The following USP40 variants were observed in gnomAD, a reference collection of about 807,000 sequenced individuals.
USP40 encodes the protein ubiquitin carboxyl-terminal hydrolase 40.
In USP40, 143 loss-of-function variants were observed where a neutral mutation model predicts 166.2. That is an observed-to-expected ratio of 0.86 (90% CI 0.75 to 0.99). USP40 has a LOEUF of 0.99. USP40 is among the 50% of genes least tolerant of loss of function. USP40 has a pLI of 0.00. For synonymous variants in USP40, 498 were observed against 524.0 expected, an observed-to-expected ratio of 0.95 and a Z score of 0.68; for missense variants, 1,444 against 1,479.7, an observed-to-expected ratio of 0.98 and a Z score of 0.40.
At chr2:233,509,266 T>C (rs980231384) in intron 21 of USP40, among the ~76,000 whole-genome samples, 3 of 152,200 alleles carry the variant, frequency 2.0e-5, no homozygotes, top group African/African-American at 7.2e-5. Context: ...TAAACCACAC[T>C]GATTTTATTT....
intron 15 of USP40, among the ~76,000 whole-genome samples, chr2:233,524,138 C>CT (rs1358300418): frequency 2.6e-5 from 4 of 151,360 alleles, no homozygotes; most frequent in African/African-American, 4.9e-5. Context: ...ATTACAATGA[C>CT]TTTTTTTTTG....
Position 233,559,857 on chromosome 2 carries a change from G to A in USP40, c.335C>T (p.Ala112Val). The change falls in exon 4 of 32, where the codon GCA (alanine) becomes GTA (valine). Residue 112 changes from alanine to valine, a missense_variant. By Grantham distance (64) the Ala-to-Val change is moderately conservative (BLOSUM62 0). Coordinates refer to ENST00000678225, the MANE Select transcript of USP40 (RefSeq NM_001365479.2). ...GCTGTCAGTGAGGTCTGCTGTGGAT[G>A]CAGCTTCCTGGTCTAAGAGCAGAAG... Reference protein sequence around the residue: ...AQLLLLDQEAASTADLTDSFG... With the variant: ...AQLLLLDQEAVSTADLTDSFG... 6.2e-7 allele frequency: 1 copy of A among 1,610,638 alleles called. No individual in the cohort carries two copies. The highest frequency in any genetic ancestry group is 8.5e-7 in the Non-Finnish European group (1 of 1,178,552).
intron 5 of USP40, 184 bp downstream of exon 5, chr2:233,556,671 C>A (rs1385971022): frequency 9.1e-6 from 4 of 437,776 alleles, no homozygotes; most frequent in African/African-American, 8.2e-5. Context: ...TTGCTTCTTT[C>A]AATCTACATG....
chr2:233,540,123 C>CA (rs74742520), intron 10 of USP40, among the ~76,000 whole-genome samples: 1,608 of 49,396 alleles, frequency 0.033, 26 homozygotes, highest in African/African-American at 0.079. Flanking sequence ...GACCTCAACT[C>CA]AAAAAAAAAA....
intron 8 of USP40, chr2:233,546,493 A>G (rs1026623499): frequency 6.6e-6 from 1 of 152,238 alleles, no homozygotes; most frequent in African/African-American, 2.4e-5. Flanking sequence ...TGTAGCAGGC[A>G]TCAAGGAATG....
chr2:233,493,413 T>C lies in USP40; in HGVS notation c.2917+12A>G, dbSNP rs753780819. 6 of 1,613,864 alleles carry C rather than the reference T, an allele frequency of 3.7e-6. No homozygotes were observed. The African/African-American group carries it at 6.7e-5, about 18-fold the overall frequency. On this transcript the variant is annotated intron_variant, in intron 25 of 31. Coordinates refer to ENST00000678225, the MANE Select transcript of USP40 (RefSeq NM_001365479.2). This position sits in a 1 kb window ranked among gnomAD's most constrained non-coding sequence, Gnocchi z 4.7. ...TGATGCACTGGCTGCTGAAATCCCA[T>C]TCTGTTCTCACCTTGGCTGGAAGTG...
chr2:233,562,809 GA>G lies in USP40; in HGVS notation c.200-7del. On this transcript the variant is annotated splice_region_variant and splice_polypyrimidine_tract_variant and intron_variant, in intron 2 of 31. Coordinates refer to ENST00000678225, the MANE Select transcript of USP40 (RefSeq NM_001365479.2). Reference sequence around the variant, plus strand: ...GCCAAGAGAAAATAGAGCTTCTAAAGAAAAAGGTAGAATCAGAGATGCAAAT... The same window carrying G: ...GCCAAGAGAAAATAGAGCTTCTAAAGAAAAGGTAGAATCAGAGATGCAAAT... 3 of 1,518,406 alleles carry G rather than the reference GA, an allele frequency of 2.0e-6. No homozygotes were observed. The highest frequency in any genetic ancestry group is 2.2e-5 in the Admixed American group (1 of 44,936). 94.1% of individuals were successfully genotyped at this position (1,518,406 alleles called of 1,614,324 possible). A position where few individuals can be genotyped will look rare whatever the true frequency, so the allele number is the denominator to read the frequency against.
At chr2:233,557,235 T>C (rs1046696646) in intron 4 of USP40, among the ~76,000 whole-genome samples, 1 of 152,246 alleles carries the variant, frequency 6.6e-6, no homozygotes, top group African/African-American at 2.4e-5. Context: ...GGGTTCAGTG[T>C]GTACATGTAA....
chr2:233,478,382 G>C (rs776194181), intron 31 of USP40, among the ~76,000 whole-genome samples: 1 of 152,222 alleles, frequency 6.6e-6, no homozygotes, highest in Non-Finnish European at 1.5e-5. Context: ...ATGTGGCACT[G>C]TCTCGGAGTA....
At chr2:233,512,266 A>G in intron 19 of USP40, 1 of 206,382 alleles carries the variant, frequency 4.8e-6, no homozygotes, top group Non-Finnish European at 9.6e-6. Context: ...TGGTATCGCA[A>G]TAAAATTCAC....
At chr2:233,554,284 A>G in intron 6 of USP40, 96 bp downstream of exon 6, 2 of 1,274,876 alleles carry the variant, frequency 1.6e-6, no homozygotes, top group Non-Finnish European at 2.1e-6. Context: ...CTTAGTGTCA[A>G]CAGCTTCAAG....
At chr2:233,495,914 G>A (rs1195083662) in intron 24 of USP40, among the ~76,000 whole-genome samples, 1 of 152,186 alleles carries the variant, frequency 6.6e-6, no homozygotes, top group Non-Finnish European at 1.5e-5. Context: ...GAGGAGCTCC[G>A]CAAGATACAG....
chr2:233,564,110 C>T (rs2071919243), intron 2 of USP40, among the ~76,000 whole-genome samples: 1 of 152,122 alleles, frequency 6.6e-6, no homozygotes, highest in Non-Finnish European at 1.5e-5. Flanking sequence ...CTAAGAGGTA[C>T]CACTTAAATC....
At chr2:233,542,003 C>T (rs1243403646) in intron 9 of USP40, among the ~76,000 whole-genome samples, 1 of 151,956 alleles carries the variant, frequency 6.6e-6, no homozygotes, top group Non-Finnish European at 1.5e-5. Context: ...CAGTATCTGG[C>T]CTACTTATAC....
chr2:233,477,487 C>T lies in USP40; in HGVS notation c.3616G>A (p.Glu1206Lys), dbSNP rs765883438. The change falls in exon 32 of 32, where the codon GAG becomes AAG. Residue 1206 changes from glutamate (E) to lysine (K), a missense_variant. Glu to Lys is a moderately conservative substitution (Grantham distance 56). Transcript: ENST00000678225. ...CTGGAGAGGATGTAGCTGCTCTGCTCATGGAGGGCTTCTTGGCTGCAGAGA... is the reference window on the plus strand; with the variant it reads ...CTGGAGAGGATGTAGCTGCTCTGCTTATGGAGGGCTTCTTGGCTGCAGAGA... The part of the protein sequence containing the change: ...GRRKSQEALH[E>K]QSSYILSSAE... The T allele has an allele frequency of 5.6e-6, 9 of 1,613,534 alleles. No individual in the cohort carries two copies. Among genetic ancestry groups the T allele is most frequent in the Middle Eastern group, 1.7e-4 (1 of 6,060 alleles).
chr2:233,499,824 C>CA, intron 22 of USP40, 55 bp downstream of exon 22: 1 of 1,546,952 alleles, frequency 6.5e-7, no homozygotes, highest in Non-Finnish European at 8.7e-7. Context: ...AAAAAAAAGT[C>CA]AAAAAAATTT....
chr2:233,500,698 A>C (rs932970891), intron 21 of USP40, among the ~76,000 whole-genome samples: 1 of 152,216 alleles, frequency 6.6e-6, no homozygotes, highest in Non-Finnish European at 1.5e-5. Context: ...AAACAGATTC[A>C]TATATATTGG....
chr2:233,541,163 T>C (rs2069375618), intron 9 of USP40, among the ~76,000 whole-genome samples: 1 of 152,236 alleles, frequency 6.6e-6, no homozygotes, highest in Admixed American at 6.5e-5. Flanking sequence ...TTTTGAAGTA[T>C]AAACAAGTTC....
intron 10 of USP40, 109 bp downstream of exon 10, chr2:233,540,553 A>G (rs1218753292): frequency 1.5e-6 from 1 of 645,988 alleles, no homozygotes; most frequent in Non-Finnish European, 2.7e-6. Context: ...AAATACGGTG[A>G]TTTTATTTTC....
Sources: allele counts gnomAD v4.1 joint callset (sites outside exome capture counted in the v4.1 genomes callset), GRCh38; gene constraint gnomAD v4.1.1; non-coding constraint Gnocchi (gnomAD v3.1); transcripts MANE v1.5; gene names NCBI Gene and HGNC (gene_info 2026-07-23, HGNC 2026-07-21).